The following RBM20 variants were observed in gnomAD, a reference collection of about 807,000 sequenced individuals.
RBM20 encodes RNA binding motif protein 20.
A neutral mutation model predicts 110.1 loss-of-function variants in RBM20; 51 were observed. The ratio of observed to expected loss-of-function variants is 0.46; its 90% confidence interval spans 0.37 to 0.59. The LOEUF (loss-of-function observed/expected upper bound fraction) is 0.59, where lower values mean the gene tolerates loss of function less well. RBM20 is among the 20% of genes least tolerant of loss of function. The pLI, the probability that RBM20 is intolerant of heterozygous loss-of-function variation, is 0.00. For synonymous variants in RBM20, 589 were observed against 618.2 expected (o/e 0.95, Z 0.70); for missense variants, 1,512 against 1,574.9 (o/e 0.96, Z 0.68).
At chr10:110,698,701 G>A (rs1253049928) in intron 1 of RBM20, among the ~76,000 whole-genome samples, 1 of 152,136 alleles carries the variant, frequency 6.6e-6, no homozygotes, top group Non-Finnish European at 1.5e-5. Flanking sequence ...AGACAGCCTA[G>A]GGTACCCCTC....
At chr10:110,820,285 A>G (rs1285119646) in intron 10 of RBM20, 109 bp downstream of exon 10, 11 of 685,676 alleles carry the variant, frequency 1.6e-5, no homozygotes, top group African/African-American at 3.6e-5. Context: ...AGACCCCACC[A>G]TTAGTTCCAT....
At chr10:110,764,534 G>A (rs1590662444) in intron 1 of RBM20, among the ~76,000 whole-genome samples, 1 of 152,248 alleles carries the variant, frequency 6.6e-6, no homozygotes, top group Non-Finnish European at 1.5e-5. Flanking sequence ...GTGTAATGCA[G>A]CAGGAATGGC....
rs1166749785 is a variant in RBM20 at position 110,690,638 on chromosome 10, C to T, written c.191+45993C>T. Among the ~76,000 whole-genome samples, 4 of 152,184 alleles carry T rather than the reference C, an allele frequency of 2.6e-5. No individual in the cohort carries two copies. In the South Asian group the frequency reaches 8.3e-4, roughly 32 times the overall value. On this transcript the variant is annotated intron_variant, in intron 1 of 13. Coordinates refer to ENST00000369519, the MANE Select transcript of RBM20 (RefSeq NM_001134363.3). ...GGTATCTCATATAAGTAAAACCATA[C>T]AATATTTGTCCTTTTTGTCTGGCTT...
In RBM20 at chr10:110,709,899, A is replaced by C. The variant is rs137918293; in HGVS notation, c.191+65254A>C. On this transcript the variant is annotated intron_variant, in intron 1 of 13. Transcript: ENST00000369519. ...TATGATTTCAAAAATCATAAAGTTC[A>C]ACTAAAAAAGTCAGAACCCATTAGA... is the stretch of plus-strand genomic sequence containing the variant. Among the ~76,000 whole-genome samples, 187 of 152,220 alleles carry C rather than the reference A, an allele frequency of 1.2e-3. 2 individuals carry two copies. The highest frequency in any genetic ancestry group is 4.4e-3 in the African/African-American group (184 of 41,538).
At chr10:110,760,791 T>C (rs972111888) in intron 1 of RBM20, among the ~76,000 whole-genome samples, 3 of 150,002 alleles carry the variant, frequency 2.0e-5, no homozygotes, top group Non-Finnish European at 4.4e-5. Context: ...AATAGGTATG[T>C]TTATTAAAGA....
intron 1 of RBM20, among the ~76,000 whole-genome samples, chr10:110,656,644 A>G (rs1176871920): frequency 3.3e-5 from 5 of 152,182 alleles, no homozygotes; most frequent in Non-Finnish European, 5.9e-5. Context: ...ACCTCTCCCC[A>G]GTCCCTGGAA....
chr10:110,657,363 A>G (rs1332858043), intron 1 of RBM20, among the ~76,000 whole-genome samples: 1 of 151,390 alleles, frequency 6.6e-6, no homozygotes, highest in Non-Finnish European at 1.5e-5. Flanking sequence ...ATGAAGTACT[A>G]TCTCAATGTG....
chr10:110,751,834 G>T, intron 1 of RBM20, among the ~76,000 whole-genome samples: 1 of 152,216 alleles, frequency 6.6e-6, no homozygotes, highest in African/African-American at 2.4e-5. Context: ...AAGGAACTTG[G>T]GGGAGATAGA....
chr10:110,747,554 T>A (rs1843797331), intron 1 of RBM20, among the ~76,000 whole-genome samples: 2 of 152,216 alleles, frequency 1.3e-5, no homozygotes, highest in Non-Finnish European at 2.9e-5. Flanking sequence ...TTCTTGTTTG[T>A]TGTCTTAATC....
chr10:110,672,346 CA>C (rs199631443), intron 1 of RBM20, among the ~76,000 whole-genome samples: 4,036 of 152,302 alleles, frequency 0.026, 149 homozygotes, highest in African/African-American at 0.088. Context: ...CCGAATAATT[CA>C]ACCCTCGTGT....
intron 1 of RBM20, among the ~76,000 whole-genome samples, chr10:110,740,581 C>T (rs547745112): frequency 3.3e-5 from 5 of 152,166 alleles, no homozygotes; most frequent in East Asian, 1.9e-4. Context: ...CTCTCCTTCC[C>T]TTCCCCCATG....
At chr10:110,660,403 G>T (rs1394615825) in intron 1 of RBM20, among the ~76,000 whole-genome samples, 2 of 152,110 alleles carry the variant, frequency 1.3e-5, no homozygotes, top group Non-Finnish European at 2.9e-5. Context: ...TTGTCTTCTA[G>T]CATAAGGATC....
intron 5 of RBM20, among the ~76,000 whole-genome samples, chr10:110,787,719 GA>G (rs1844437406): frequency 6.6e-6 from 1 of 152,158 alleles, no homozygotes; most frequent in African/African-American, 2.4e-5. Flanking sequence ...TAGAGATGGG[GA>G]GTTTATCTGG....
chr10:110,687,477 C>A (rs1862522192), intron 1 of RBM20, among the ~76,000 whole-genome samples: 1 of 152,244 alleles, frequency 6.6e-6, no homozygotes, highest in African/African-American at 2.4e-5. Context: ...CTGATCCAGA[C>A]ATCAGTTCTG....
chr10:110,654,915 G>T (rs1861999796), intron 1 of RBM20, among the ~76,000 whole-genome samples: 1 of 152,184 alleles, frequency 6.6e-6, no homozygotes, highest in Non-Finnish European at 1.5e-5. Context: ...ATTCTAAACA[G>T]TTGAGGTATT....
intron 1 of RBM20, among the ~76,000 whole-genome samples, chr10:110,774,386 G>A (rs1844234175): frequency 6.6e-6 from 1 of 152,190 alleles, no homozygotes; most frequent in Non-Finnish European, 1.5e-5. Context: ...CAGTAGTCTC[G>A]AAATTAGTCA....
At chr10:110,820,370 C>T (rs1209204159) in intron 10 of RBM20, among the ~76,000 whole-genome samples, 194 bp downstream of exon 10, 2 of 152,300 alleles carry the variant, frequency 1.3e-5, no homozygotes, top group South Asian at 2.1e-4. Context: ...TTTATTGAAG[C>T]GATCTTTACC....
intron 1 of RBM20, among the ~76,000 whole-genome samples, chr10:110,772,125 T>C (rs1844201764): frequency 6.6e-6 from 1 of 152,214 alleles, no homozygotes; most frequent in South Asian, 2.1e-4. Flanking sequence ...ATTGTGGATT[T>C]TCTTAATAAT....
At chr10:110,780,210 A>G (rs1418359272) in intron 1 of RBM20, among the ~76,000 whole-genome samples, 1 of 152,176 alleles carries the variant, frequency 6.6e-6, no homozygotes, top group Middle Eastern at 3.2e-3. Context: ...TGGTTACTTA[A>G]TATTTTATTA....
Sources: gnomAD v4.1 joint callset for allele counts (sites outside exome capture counted in the v4.1 genomes callset) on GRCh38, gnomAD v4.1.1 for gene constraint, MANE v1.5 for transcripts, NCBI Gene and HGNC (gene_info 2026-07-23, HGNC 2026-07-21) for gene names.